The following IMMP2L variants were observed in gnomAD, a reference collection of about 807,000 sequenced individuals.
IMMP2L encodes the protein inner mitochondrial membrane peptidase subunit 2, also known as mitochondrial inner membrane protease subunit 2.
Under a neutral mutation model 19.3 loss-of-function variants are expected in IMMP2L, and 18 were observed. The ratio of observed to expected loss-of-function variants is 0.93; its 90% confidence interval spans 0.64 to 1.38. IMMP2L has a LOEUF of 1.38. IMMP2L is among the 40% of genes most tolerant of loss of function. IMMP2L has a pLI of 0.00. For synonymous variants in IMMP2L, 76 were observed against 73.0 expected (o/e 1.04, Z -0.21); for missense variants, 233 against 218.2 (o/e 1.07, Z -0.43).
chr7:110,974,827 T>C (rs1820523325), intron 3 of IMMP2L, among the ~76,000 whole-genome samples: 3 of 152,192 alleles, frequency 2.0e-5, no homozygotes, highest in Admixed American at 1.3e-4. Context: ...TTAGAAAATA[T>C]GCAAGTTTGC....
chr7:111,503,197 A>G (rs1418332971), intron 2 of IMMP2L, among the ~76,000 whole-genome samples: 2 of 152,202 alleles, frequency 1.3e-5, no homozygotes, highest in African/African-American at 4.8e-5. Context: ...AAACACCTCT[A>G]CGCAAATAAC....
At chr7:111,023,032 G>C (rs1486321436) in intron 3 of IMMP2L, among the ~76,000 whole-genome samples, 4 of 152,154 alleles carry the variant, frequency 2.6e-5, no homozygotes, top group Admixed American at 6.5e-5. Flanking sequence ...TAGAAAAGAA[G>C]TCATACATAA....
chr7:111,061,443 G>A (rs543609395), intron 3 of IMMP2L, among the ~76,000 whole-genome samples: 2 of 152,132 alleles, frequency 1.3e-5, no homozygotes, highest in Admixed American at 6.6e-5. Context: ...TGGAAATGAC[G>A]AAGGGGTGAA....
chr7:110,857,201 T>A (rs2131566528), intron 5 of IMMP2L, among the ~76,000 whole-genome samples: 1 of 152,240 alleles, frequency 6.6e-6, no homozygotes, highest in Middle Eastern at 3.4e-3. Context: ...GTAATCCAAG[T>A]ACTGGAGCAA....
At chr7:111,449,881 T>C (rs1048664704) in intron 3 of IMMP2L, among the ~76,000 whole-genome samples, 5 of 127,804 alleles carry the variant, frequency 3.9e-5, no homozygotes, top group Non-Finnish European at 7.9e-5. Flanking sequence ...ACAAAATCAA[T>C]GTACAAGAAT....
At chr7:111,066,355 G>T (rs1421239327) in intron 3 of IMMP2L, among the ~76,000 whole-genome samples, 1 of 152,076 alleles carries the variant, frequency 6.6e-6, no homozygotes, top group African/African-American at 2.4e-5. Context: ...ATACTATTGA[G>T]TGAATATTTT....
chr7:110,869,627 G>C (rs1353281112), intron 5 of IMMP2L, among the ~76,000 whole-genome samples: 3 of 152,100 alleles, frequency 2.0e-5, no homozygotes, highest in Admixed American at 2.0e-4. Context: ...AATACTTGCT[G>C]AAGTACAGCT....
At chr7:111,334,815 T>C (rs570405189) in intron 3 of IMMP2L, among the ~76,000 whole-genome samples, 35 of 152,246 alleles carry the variant, frequency 2.3e-4, no homozygotes, top group African/African-American at 8.4e-4. Context: ...CCTTCACTTG[T>C]ATTTCTTCCA....
At chr7:111,274,740 T>C (rs1818836616) in intron 3 of IMMP2L, among the ~76,000 whole-genome samples, 3 of 152,218 alleles carry the variant, frequency 2.0e-5, no homozygotes, top group Admixed American at 2.0e-4. Flanking sequence ...AACAACTGTT[T>C]TGTAATCCTA....
chr7:111,426,141 T>C (rs926216199), intron 3 of IMMP2L, among the ~76,000 whole-genome samples: 10 of 151,068 alleles, frequency 6.6e-5, no homozygotes, highest in African/African-American at 2.4e-4. Flanking sequence ...AACCTTATAA[T>C]ACATAAACTT....
intron 5 of IMMP2L, among the ~76,000 whole-genome samples, chr7:110,861,175 CAGAG>C (rs1353824304): frequency 6.8e-6 from 1 of 147,650 alleles, no homozygotes; most frequent in African/African-American, 2.5e-5. Context: ...TACTGTAAGA[CAGAG>C]AGAAGAAAAA....
intron 3 of IMMP2L, among the ~76,000 whole-genome samples, chr7:111,051,044 T>C (rs757577759): frequency 1.3e-5 from 2 of 152,088 alleles, no homozygotes; most frequent in Non-Finnish European, 2.9e-5. Flanking sequence ...TGGTTTAAGT[T>C]TTCTTATTGC....
At chr7:110,821,471 TA>T (rs905525445) in intron 5 of IMMP2L, among the ~76,000 whole-genome samples, 9 of 151,852 alleles carry the variant, frequency 5.9e-5, no homozygotes, top group Non-Finnish European at 7.4e-5. Context: ...TTCACAGATA[TA>T]AAAAAAATGT....
Position 111,435,207 on chromosome 7 carries a change from TCA to T in IMMP2L, c.239+52029_239+52030del, listed in dbSNP as rs556823560. Among the ~76,000 whole-genome samples, 7 of 151,928 alleles carry T rather than the reference TCA, an allele frequency of 4.6e-5. No homozygotes were observed. In the South Asian group the frequency reaches 1.5e-3, roughly 32 times the overall value. On this transcript the variant is annotated intron_variant, in intron 3 of 5. Transcript: ENST00000405709. ...GTATCTATCCAAAGGGAAGAAATCA[TCA>T]TATTAAAAAGATGCTTGAAATTATA...
intron 3 of IMMP2L, among the ~76,000 whole-genome samples, chr7:111,453,865 T>G: frequency 6.6e-6 from 1 of 152,190 alleles, no homozygotes; most frequent in East Asian, 1.9e-4. Flanking sequence ...AATAAATATT[T>G]GCTGAATAAG....
intron 3 of IMMP2L, among the ~76,000 whole-genome samples, chr7:111,378,894 T>C (rs1248467467): frequency 1.3e-5 from 2 of 152,030 alleles, no homozygotes; most frequent in African/African-American, 2.4e-5. Flanking sequence ...CAGGTTAGTA[T>C]ACTCTCTTAA....
chr7:110,759,762 A>G (rs372652850), intron 5 of IMMP2L, among the ~76,000 whole-genome samples: 4 of 152,268 alleles, frequency 2.6e-5, no homozygotes, highest in African/African-American at 9.6e-5. Flanking sequence ...GAACCCTGAC[A>G]TCAATGAACT....
At chr7:111,101,508 T>C (rs1163712167) in intron 3 of IMMP2L, among the ~76,000 whole-genome samples, 2 of 151,536 alleles carry the variant, frequency 1.3e-5, no homozygotes, top group East Asian at 3.9e-4. Context: ...GTCTTTTTCT[T>C]TTGTCCACTG....
intron 5 of IMMP2L, among the ~76,000 whole-genome samples, chr7:110,886,303 A>C (rs1274136085): frequency 6.6e-6 from 1 of 152,122 alleles, no homozygotes; most frequent in Non-Finnish European, 1.5e-5. Context: ...GGGAGAAAAA[A>C]AAAATCTTCC....
Sources: allele counts gnomAD v4.1 joint callset (sites outside exome capture counted in the v4.1 genomes callset), GRCh38; gene constraint gnomAD v4.1.1; transcripts MANE v1.5; gene names NCBI Gene and HGNC (gene_info 2026-07-23, HGNC 2026-07-21).